Variants in ELP3 observed in about 807,000 individuals in gnomAD.
ELP3 encodes elongator complex protein 3.
A neutral mutation model predicts 74.9 loss-of-function variants in ELP3; 56 were observed. The ratio of observed to expected loss-of-function variants is 0.75; its 90% CI spans 0.60 to 0.93. The LOEUF is 0.93. ELP3 is among the 40% of genes least tolerant of loss of function. The pLI is 0.00. For missense variants in ELP3, 573 were observed against 686.5 expected, an observed-to-expected ratio of 0.83 and a Z score of 1.85; for synonymous variants, 222 against 239.8, an observed-to-expected ratio of 0.93 and a Z score of 0.68.
chr8:28,158,135 GT>G (rs1813912369), intron 11 of ELP3, among the ~76,000 whole-genome samples: 1 of 147,326 alleles, frequency 6.8e-6, no homozygotes, highest in African/African-American at 2.5e-5. Context: ...TGCTAAAAAT[GT>G]TAACTGCCGT....
intron 7 of ELP3, among the ~76,000 whole-genome samples, chr8:28,125,002 C>G (rs942049712): frequency 6.6e-5 from 10 of 152,302 alleles, no homozygotes; most frequent in South Asian, 2.1e-4. Context: ...TCAAGCACAT[C>G]AAACATCCAA....
At chr8:28,104,474 A>G (rs1479583932) in intron 3 of ELP3, among the ~76,000 whole-genome samples, 3 of 152,258 alleles carry the variant, frequency 2.0e-5, no homozygotes, top group African/African-American at 7.2e-5. Flanking sequence ...CAGCCGTTTC[A>G]ATAACATCCC....
chr8:28,151,212 T>C (rs1813630621), intron 10 of ELP3, among the ~76,000 whole-genome samples: 1 of 152,262 alleles, frequency 6.6e-6, no homozygotes. Context: ...TTCTCAGCCA[T>C]GTCTGTCTAC....
At chr8:28,115,777 C>CTGTATGTATGTGCACATGTGTG (rs1481722334) in intron 7 of ELP3, among the ~76,000 whole-genome samples, 1 of 152,184 alleles carries the variant, frequency 6.6e-6, no homozygotes, top group South Asian at 2.1e-4. Flanking sequence ...GTGAGTGTGT[C>CTGTATGTATGTGCACATGTGTG]TGTATGTATG....
At chr8:28,111,063 A>T (rs1811898332) in intron 6 of ELP3, 1 of 152,334 alleles carries the variant, frequency 6.6e-6, no homozygotes, top group South Asian at 2.1e-4. Flanking sequence ...TGGGTGACAC[A>T]GCAAGAACCT....
chr8:28,101,636 C>T (rs926247302), intron 3 of ELP3, among the ~76,000 whole-genome samples: 3 of 149,688 alleles, frequency 2.0e-5, no homozygotes, highest in Non-Finnish European at 4.4e-5. Context: ...GTTGCCCAGG[C>T]AGGAGTACAG....
chr8:28,174,464 T>C lies in ELP3; in HGVS notation c.1567+12386T>C, dbSNP rs118050500. ...TTAGTGGTTACCTTGGGGATCATAA[T>C]TAACATTTTAAGCCTCCAGTCAGTT... On this transcript the variant is annotated intron_variant, in intron 14 of 14. Transcript: ENST00000256398. 4.4e-3 allele frequency among the ~76,000 whole-genome samples: 665 copies of C among 152,196 alleles called. 5 individuals are homozygous for C. The highest frequency in any genetic ancestry group is 0.015 in the African/African-American group (616 of 41,572).
intron 13 of ELP3, among the ~76,000 whole-genome samples, chr8:28,160,977 G>A (rs939463542): frequency 6.6e-6 from 1 of 152,204 alleles, no homozygotes; most frequent in Non-Finnish European, 1.5e-5. Context: ...TTACAGGCAT[G>A]AGCTACTGTG....
intron 14 of ELP3, among the ~76,000 whole-genome samples, chr8:28,174,823 G>T (rs930106219): frequency 6.6e-6 from 1 of 152,120 alleles, no homozygotes; most frequent in Non-Finnish European, 1.5e-5. Flanking sequence ...TATAGGGCAG[G>T]TTTAGTAGTA....
chr8:28,179,821 A>C (rs12674688), intron 14 of ELP3, among the ~76,000 whole-genome samples: 11,517 of 152,190 alleles, frequency 0.076, 840 homozygotes, highest in East Asian at 0.33. Context: ...CTCCTCAGGC[A>C]GTAATGTGAG....
intron 14 of ELP3, among the ~76,000 whole-genome samples, chr8:28,162,365 ACT>A (rs1483305771): frequency 6.6e-6 from 1 of 152,184 alleles, no homozygotes; most frequent in Non-Finnish European, 1.5e-5. Context: ...GTGCCCAGTT[ACT>A]GTATCTGAGG....
intron 14 of ELP3, among the ~76,000 whole-genome samples, chr8:28,171,840 TATAAG>T (rs1317109438): frequency 6.6e-6 from 1 of 152,162 alleles, no homozygotes; most frequent in Non-Finnish European, 1.5e-5. Flanking sequence ...TTGTATATGA[TATAAG>T]GTAAGAGTCT....
At chr8:28,106,507 T>C (rs1289057803) in intron 3 of ELP3, among the ~76,000 whole-genome samples, 1 of 134,748 alleles carries the variant, frequency 7.4e-6, no homozygotes, top group Non-Finnish European at 1.5e-5. Context: ...GCCACTGCAC[T>C]CCAGCCTGGG....
At chr8:28,115,490 A>G (rs573525497) in intron 7 of ELP3, among the ~76,000 whole-genome samples, 1 of 152,322 alleles carries the variant, frequency 6.6e-6, no homozygotes, top group East Asian at 1.9e-4. Flanking sequence ...AGGAAAGGAC[A>G]TGGGAAATGG....
At chr8:28,135,503 C>G (rs771974542) in intron 9 of ELP3, among the ~76,000 whole-genome samples, 70 of 152,198 alleles carry the variant, frequency 4.6e-4, no homozygotes, top group Non-Finnish European at 5.7e-4. Flanking sequence ...GGCGGAGAGT[C>G]CACCAGTCTA....
chr8:28,142,845 C>T (rs190668115), intron 10 of ELP3, among the ~76,000 whole-genome samples: 1 of 152,026 alleles, frequency 6.6e-6, no homozygotes, highest in Non-Finnish European at 1.5e-5. Flanking sequence ...TGTTGTCACA[C>T]ACGTTTCTGT....
rs77933410 is a variant in ELP3, at chr8:28,146,925, C to G, written c.1101-9017C>G. ...ATTGTCAGCATCAATGTGAATGCCT[C>G]TGTTACCAGGTCCTCACTGACTTGT... is the stretch of plus-strand genomic sequence containing the variant. On this transcript the variant is annotated intron_variant, in intron 10 of 14. Coordinates refer to ENST00000256398, the MANE Select transcript of ELP3 (RefSeq NM_018091.6). Among the ~76,000 whole-genome samples the G allele has an allele frequency of 1.2e-3, 183 of 152,344 alleles. 3 individuals are homozygous for G. In the East Asian group the frequency reaches 0.028, roughly 23 times the overall value.
At chr8:28,161,368 G>A (rs1438171170) in intron 13 of ELP3, among the ~76,000 whole-genome samples, 1 of 152,132 alleles carries the variant, frequency 6.6e-6, no homozygotes, top group Admixed American at 6.6e-5. Flanking sequence ...GAGGTCAGGA[G>A]TTCAAGACCA....
At chr8:28,121,940 T>G (rs1355769287) in intron 7 of ELP3, among the ~76,000 whole-genome samples, 1 of 152,222 alleles carries the variant, frequency 6.6e-6, no homozygotes, top group African/African-American at 2.4e-5. Context: ...AACATTTTTA[T>G]TTCAGTATTA....
Sources: gnomAD v4.1 joint callset for allele counts (sites outside exome capture counted in the v4.1 genomes callset) on GRCh38, gnomAD v4.1.1 for gene constraint, MANE v1.5 for transcripts, NCBI Gene and HGNC (gene_info 2026-07-23, HGNC 2026-07-21) for gene names.